The following LSAMP variants were observed in gnomAD, a reference collection of about 807,000 sequenced individuals.
LSAMP encodes limbic system associated membrane protein, also known as limbic system-associated membrane protein.
Under a neutral mutation model 38.6 loss-of-function variants are expected in LSAMP, and 7 were observed. The ratio of observed to expected loss-of-function variants is 0.18; its 90% CI spans 0.10 to 0.34. The LOEUF (loss-of-function observed/expected upper bound fraction) is 0.34, where lower values mean the gene tolerates loss of function less well. LSAMP is among the 10% of genes least tolerant of loss of function. The pLI is 1.00. For missense variants in LSAMP, 313 were observed against 420.0 expected (o/e 0.75, Z 2.23); for synonymous variants, 154 against 166.8 (o/e 0.92, Z 0.59).
intron 2 of LSAMP, among the ~76,000 whole-genome samples, chr3:116,041,032 T>G (rs1941159816): frequency 6.6e-6 from 1 of 152,240 alleles, no homozygotes; most frequent in Non-Finnish European, 1.5e-5. Context: ...CAAGTGAGCA[T>G]CCCGCCTCAG....
chr3:116,358,586 A>G (rs2048257539), intron 1 of LSAMP, among the ~76,000 whole-genome samples: 3 of 152,224 alleles, frequency 2.0e-5, no homozygotes, highest in African/African-American at 4.8e-5. Flanking sequence ...TCTGTTAAAT[A>G]TACTCATTAC....
At chr3:115,847,030 G>T (rs1166069407) in intron 4 of LSAMP, among the ~76,000 whole-genome samples, 1 of 152,130 alleles carries the variant, frequency 6.6e-6, no homozygotes, top group Non-Finnish European at 1.5e-5. Context: ...AAGATCAAAT[G>T]AAATCAGTAA....
intron 1 of LSAMP, among the ~76,000 whole-genome samples, chr3:116,420,027 C>T (rs2049100828): frequency 6.6e-6 from 1 of 152,020 alleles, no homozygotes; most frequent in African/African-American, 2.4e-5. Flanking sequence ...TTCCTGAAAA[C>T]TGAGAGCAGA....
intron 6 of LSAMP, among the ~76,000 whole-genome samples, chr3:115,811,060 CAAA>C (rs1463513160): frequency 2.0e-5 from 3 of 152,094 alleles, no homozygotes; most frequent in African/African-American, 7.2e-5. Flanking sequence ...CTTTAAAAAT[CAAA>C]AACAAAAACA....
In LSAMP at chr3:116,380,126, C is replaced by T. The variant is rs925689729; in HGVS notation, c.155+64751G>A. On this transcript the variant is annotated intron_variant, in intron 1 of 6. Coordinates refer to ENST00000490035, the MANE Select transcript of LSAMP (RefSeq NM_002338.5). ...TATGAATGAGCTACTGACAACCTCA[C>T]TGATTCATGGTTTTCCCATTGGTAA... Among the ~76,000 whole-genome samples the T allele has an allele frequency of 3.3e-5, 5 of 151,916 alleles. No homozygotes were observed. The East Asian group carries it at 9.7e-4, about 29-fold the overall frequency.
intron 1 of LSAMP, among the ~76,000 whole-genome samples, chr3:116,326,836 C>T (rs754153762): frequency 6.6e-5 from 10 of 152,102 alleles, no homozygotes; most frequent in South Asian, 2.1e-4. Flanking sequence ...CCTTACACAC[C>T]GAAGGCATTC....
chr3:115,859,410 G>A (rs1935606395), intron 3 of LSAMP, among the ~76,000 whole-genome samples: 1 of 151,938 alleles, frequency 6.6e-6, no homozygotes, highest in Non-Finnish European at 1.5e-5. Context: ...CGATTTTAGG[G>A]AAGAGTTGGA....
At chr3:115,966,370 G>A (rs984576204) in intron 3 of LSAMP, among the ~76,000 whole-genome samples, 4 of 152,188 alleles carry the variant, frequency 2.6e-5, no homozygotes, top group Non-Finnish European at 5.9e-5. Flanking sequence ...AGATAGAAAT[G>A]TATGACTATT....
At chr3:116,373,172 C>T (rs1281687544) in intron 1 of LSAMP, among the ~76,000 whole-genome samples, 1 of 151,298 alleles carries the variant, frequency 6.6e-6, no homozygotes, top group African/African-American at 2.4e-5. Flanking sequence ...CCTAACTGCC[C>T]AGTGACAGAT....
intron 1 of LSAMP, among the ~76,000 whole-genome samples, chr3:116,100,763 C>A (rs1182389629): frequency 2.0e-5 from 3 of 152,192 alleles, no homozygotes; most frequent in African/African-American, 7.2e-5. Flanking sequence ...AACATCAGTT[C>A]ACTTAACCTA....
At chr3:116,107,716 C>T (rs893755825) in intron 1 of LSAMP, among the ~76,000 whole-genome samples, 1 of 152,090 alleles carries the variant, frequency 6.6e-6, no homozygotes, top group Non-Finnish European at 1.5e-5. Context: ...ATTTGCTGAG[C>T]CTGATGGGTG....
intron 1 of LSAMP, among the ~76,000 whole-genome samples, chr3:116,359,085 G>T (rs1427230598): frequency 6.6e-6 from 1 of 152,038 alleles, no homozygotes; most frequent in African/African-American, 2.4e-5. Context: ...TCTATATGTG[G>T]TTACTATAAA....
intron 3 of LSAMP, among the ~76,000 whole-genome samples, chr3:115,979,320 G>C (rs904691808): frequency 6.6e-6 from 1 of 152,086 alleles, no homozygotes; most frequent in Non-Finnish European, 1.5e-5. Flanking sequence ...AAGGAAAGGT[G>C]AAAAGGCCCA....
intron 3 of LSAMP, among the ~76,000 whole-genome samples, chr3:115,861,185 C>T (rs1576159183): frequency 9.1e-6 from 1 of 110,232 alleles, no homozygotes; most frequent in African/African-American, 3.7e-5. Flanking sequence ...TTCCTTCCTT[C>T]CTTCCTTCCT....
At chr3:116,278,475 T>C (rs917045269) in intron 1 of LSAMP, among the ~76,000 whole-genome samples, 19 of 152,058 alleles carry the variant, frequency 1.2e-4, no homozygotes, top group Non-Finnish European at 2.8e-4. Flanking sequence ...ATAAATTCAG[T>C]TGGGAGAAAT....
At chr3:116,296,102 G>A (rs995723774) in intron 1 of LSAMP, among the ~76,000 whole-genome samples, 4 of 152,150 alleles carry the variant, frequency 2.6e-5, no homozygotes, top group Non-Finnish European at 5.9e-5. Flanking sequence ...AATTGCTAGA[G>A]CCTGAAATGA....
At chr3:116,333,115 A>G (rs2047872190) in intron 1 of LSAMP, among the ~76,000 whole-genome samples, 1 of 152,110 alleles carries the variant, frequency 6.6e-6, no homozygotes, top group Non-Finnish European at 1.5e-5. Flanking sequence ...GACCTAACAC[A>G]ATAAACCAAC....
intron 1 of LSAMP, among the ~76,000 whole-genome samples, chr3:116,305,713 G>A (rs1417633393): frequency 3.3e-5 from 5 of 151,754 alleles, no homozygotes; most frequent in African/African-American, 4.8e-5. Context: ...TTTCCAAATT[G>A]CACTCATAAT....
intron 6 of LSAMP, chr3:115,837,996 G>A (rs1934851438): frequency 6.6e-6 from 1 of 152,142 alleles, no homozygotes; most frequent in African/African-American, 2.4e-5. Flanking sequence ...AGTTTAATAT[G>A]GTGGCCTCCC....
Sources: gnomAD v4.1 joint callset for allele counts (sites outside exome capture counted in the v4.1 genomes callset) on GRCh38, gnomAD v4.1.1 for gene constraint, MANE v1.5 for transcripts, NCBI Gene and HGNC (gene_info 2026-07-23, HGNC 2026-07-21) for gene names.